Variants in TLR6 observed in about 807,000 individuals in gnomAD.
TLR6 encodes the protein toll like receptor 6.
Under a neutral mutation model 16.1 loss-of-function variants are expected in TLR6, and 9 were observed. The ratio of observed to expected loss-of-function variants is 0.56; its 90% confidence interval spans 0.34 to 0.98. The LOEUF (loss-of-function observed/expected upper bound fraction) is 0.98, where lower values mean the gene tolerates loss of function less well. Ranked by LOEUF, TLR6 falls within the 50% of genes least tolerant of loss-of-function variation. TLR6 has a pLI of 0.02. For synonymous variants in TLR6, 340 were observed against 338.6 expected, an observed-to-expected ratio of 1.00 and a Z score of -0.04; for missense variants, 786 against 921.0, an observed-to-expected ratio of 0.85 and a Z score of 1.90.
intron 1 of TLR6, among the ~76,000 whole-genome samples, chr4:38,853,581 G>A (rs763055081): frequency 7.2e-5 from 11 of 152,134 alleles, no homozygotes; most frequent in Non-Finnish European, 1.0e-4. Flanking sequence ...TAAAGTGGCC[G>A]TCACAAAATA....
chr4:38,867,382 G>A, the TLR6 span, among the ~76,000 whole-genome samples: 5 of 152,176 alleles, frequency 3.3e-5, no homozygotes, highest in Admixed American at 3.3e-4. Context: ...GTTTGTTTGG[G>A]GTTTGTTTGT....
chr4:38,867,691 G>C, the TLR6 span: 1 of 151,346 alleles, frequency 6.6e-6, no homozygotes, highest in Non-Finnish European at 1.5e-5. Context: ...GGGCGTCCCC[G>C]CGGCGCTCCT....
intron 1 of TLR6, among the ~76,000 whole-genome samples, chr4:38,833,993 G>A (rs372561318): frequency 6.1e-4 from 92 of 151,848 alleles, no homozygotes; most frequent in African/African-American, 1.8e-3. Context: ...TTGGGAGGCT[G>A]AGGTGGGTGG....
chr4:38,852,453 A>C (rs2109471439), intron 1 of TLR6, among the ~76,000 whole-genome samples: 1 of 152,228 alleles, frequency 6.6e-6, no homozygotes, highest in Middle Eastern at 3.4e-3. Context: ...AACCTACAGA[A>C]TGGGAGAAAA....
chr4:38,836,176 A>G (rs1016803665), intron 1 of TLR6, among the ~76,000 whole-genome samples: 1 of 152,148 alleles, frequency 6.6e-6, no homozygotes, highest in African/African-American at 2.4e-5. Context: ...GAAAAGATCA[A>G]TAAAACAAAA....
At chr4:38,840,337 G>A (rs1384713991) in intron 1 of TLR6, among the ~76,000 whole-genome samples, 1 of 152,152 alleles carries the variant, frequency 6.6e-6, no homozygotes, top group Non-Finnish European at 1.5e-5. Flanking sequence ...GCATATGGTA[G>A]GATAAGAAGA....
chr4:38,823,517 C>T (rs1416325093), downstream of TLR6, among the ~76,000 whole-genome samples: 1 of 152,194 alleles, frequency 6.6e-6, no homozygotes, highest in Non-Finnish European at 1.5e-5. Flanking sequence ...GGTCATCTTA[C>T]TACGGGATCT....
intron 1 of TLR6, among the ~76,000 whole-genome samples, chr4:38,835,422 C>G (rs1348586855): frequency 6.6e-6 from 1 of 152,112 alleles, no homozygotes; most frequent in Non-Finnish European, 1.5e-5. Context: ...AAGGATATAA[C>G]AATTCTAAGT....
intron 1 of TLR6, among the ~76,000 whole-genome samples, chr4:38,840,387 A>T (rs1254873203): frequency 6.6e-6 from 1 of 152,102 alleles, no homozygotes; most frequent in African/African-American, 2.4e-5. Context: ...TAATTCCAGC[A>T]CTTTGGGAGG....
chr4:38,847,419 G>C (rs1712575251), intron 1 of TLR6, among the ~76,000 whole-genome samples: 1 of 152,116 alleles, frequency 6.6e-6, no homozygotes, highest in South Asian at 2.1e-4. Flanking sequence ...TCTCACTGGG[G>C]CCCGTCGGAC....
intron 1 of TLR6, chr4:38,843,502 CA>C (rs1219908960): frequency 1.3e-5 from 2 of 152,206 alleles, no homozygotes; most frequent in Non-Finnish European, 2.9e-5. Flanking sequence ...GTCCACTTTT[CA>C]CCATCAGGGT....
At chr4:38,826,663 T>A (rs186999335) in exon 2 of TLR6, 1 of 155,972 alleles carries the variant, frequency 6.4e-6, no homozygotes, top group Non-Finnish European at 1.4e-5. Flanking sequence ...GCCCCAGACT[T>A]GAAGAGAATG....
At chr4:38,868,088 G>A in the TLR6 span, 1 of 421,424 alleles carries the variant, frequency 2.4e-6, no homozygotes, top group Non-Finnish European at 4.9e-6. Context: ...TGTCGCTCCG[G>A]GTCCACGCTC....
the TLR6 span, among the ~76,000 whole-genome samples, chr4:38,866,054 G>T: frequency 1.3e-5 from 2 of 151,640 alleles, no homozygotes; most frequent in Admixed American, 1.3e-4. Flanking sequence ...CAGAAGAATC[G>T]CTTGAACCCA....
At chr4:38,833,090 C>A (rs1190394861) in intron 1 of TLR6, among the ~76,000 whole-genome samples, 3 of 152,164 alleles carry the variant, frequency 2.0e-5, no homozygotes, top group Non-Finnish European at 4.4e-5. Flanking sequence ...GCCCAGCCTG[C>A]TGCTGCCTGT....
At chr4:38,823,166 A>G (rs1727394692), downstream of TLR6, among the ~76,000 whole-genome samples, 1 of 152,182 alleles carries the variant, frequency 6.6e-6, no homozygotes, top group Non-Finnish European at 1.5e-5. Flanking sequence ...TCAAGATGAG[A>G]TTTGGGTGGG....
At chr4:38,868,380 T>G in the TLR6 span, 2 of 152,828 alleles carry the variant, frequency 1.3e-5, no homozygotes, top group Non-Finnish European at 2.9e-5. Flanking sequence ...TCCCCTCGCC[T>G]TACTCCTCCC....
Position 38,828,532 on chromosome 4 carries a change from G to A in TLR6, c.942C>T (p.Asn314=). 4 of 1,614,062 alleles carry A rather than the reference G, an allele frequency of 2.5e-6. No homozygotes were observed. In the African/African-American group the frequency reaches 4.0e-5, roughly 16 times the overall value. ...CTGTCTGTGAAAACAGAAAAACTTGGTTCGTGATATGTTCTATTGTCAATG... is the reference window on the plus strand; with the variant it reads ...CTGTCTGTGAAAACAGAAAAACTTGATTCGTGATATGTTCTATTGTCAATG... The change falls in exon 2 of 2, where the codon AAC becomes AAT. Residue 314 remains asparagine (N), a synonymous_variant. Transcript: ENST00000436693.
intron 1 of TLR6, among the ~76,000 whole-genome samples, chr4:38,844,549 T>C (rs1030228598): frequency 2.1e-5 from 3 of 140,824 alleles, no homozygotes; most frequent in Admixed American, 6.7e-5. Flanking sequence ...GAAATTTGAA[T>C]GAGAAATTAA....
Sources: gnomAD v4.1 joint callset for allele counts (sites outside exome capture counted in the v4.1 genomes callset) on GRCh38, gnomAD v4.1.1 for gene constraint, MANE v1.5 for transcripts, NCBI Gene and HGNC (gene_info 2026-07-23, HGNC 2026-07-21) for gene names.